Variants in TNR observed in about 807,000 individuals in gnomAD.
The protein encoded by TNR is tenascin R.
Under a neutral mutation model 150.4 loss-of-function variants are expected in TNR, and 45 were observed. The observed-to-expected ratio is 0.30, with a 90% confidence interval of 0.24 to 0.38. TNR has a LOEUF of 0.38. Ranked by LOEUF, TNR falls within the 10% of genes least tolerant of loss-of-function variation. The pLI, the probability that TNR is intolerant of heterozygous loss-of-function variation, is 1.00. For synonymous variants in TNR, 687 were observed against 678.4 expected (o/e 1.01, Z -0.20); for missense variants, 1,544 against 1,759.1 (o/e 0.88, Z 2.19).
At chr1:175,673,961 G>A (rs1308309229) in intron 1 of TNR, among the ~76,000 whole-genome samples, 2 of 152,256 alleles carry the variant, frequency 1.3e-5, no homozygotes, top group African/African-American at 2.4e-5. Flanking sequence ...TGGAGGCACT[G>A]ATGCCTAAAC....
chr1:175,681,555 C>A (rs1355306699), intron 1 of TNR, among the ~76,000 whole-genome samples: 2 of 152,320 alleles, frequency 1.3e-5, no homozygotes, highest in South Asian at 4.1e-4. Context: ...TAGATTAAAT[C>A]CGCCATCTCT....
At chr1:175,441,397 T>C (rs1425000534) in intron 2 of TNR, among the ~76,000 whole-genome samples, 1 of 152,214 alleles carries the variant, frequency 6.6e-6, no homozygotes, top group Non-Finnish European at 1.5e-5. Context: ...TCACAGTGTA[T>C]GCATATAGTG....
At chr1:175,499,118 C>T (rs1035019597) in intron 2 of TNR, among the ~76,000 whole-genome samples, 5 of 152,182 alleles carry the variant, frequency 3.3e-5, no homozygotes, top group African/African-American at 9.7e-5. Context: ...TCGCCAATCA[C>T]GAGTTTAGTT....
chr1:175,417,968 T>C (rs761298253), intron 2 of TNR, among the ~76,000 whole-genome samples: 8 of 152,222 alleles, frequency 5.3e-5, no homozygotes, highest in Non-Finnish European at 7.3e-5. Context: ...CTTCATTGTG[T>C]ACATTATGTC....
chr1:175,581,455 T>G (rs1662344566), intron 1 of TNR, among the ~76,000 whole-genome samples: 1 of 152,190 alleles, frequency 6.6e-6, no homozygotes, highest in African/African-American at 2.4e-5. Flanking sequence ...TGGAGTTTCT[T>G]GGGGTCGAGC....
intron 9 of TNR, among the ~76,000 whole-genome samples, chr1:175,372,717 G>A (rs1652163909): frequency 6.6e-6 from 1 of 152,210 alleles, no homozygotes; most frequent in Non-Finnish European, 1.5e-5. Flanking sequence ...TCTCTTGCTA[G>A]CAAAAACATG....
intron 2 of TNR, among the ~76,000 whole-genome samples, chr1:175,431,807 T>C (rs976109851): frequency 1.3e-5 from 2 of 151,940 alleles, no homozygotes; most frequent in African/African-American, 4.8e-5. Flanking sequence ...TGATTACTTC[T>C]AGGCAACCTA....
chr1:175,534,565 G>T (rs1398163769), intron 1 of TNR, among the ~76,000 whole-genome samples: 1 of 152,182 alleles, frequency 6.6e-6, no homozygotes. Flanking sequence ...GGTTCTAAGT[G>T]GTGTCAGTTG....
At chr1:175,538,722 T>C (rs139852569) in intron 1 of TNR, 1 of 152,346 alleles carries the variant, frequency 6.6e-6, no homozygotes, top group East Asian at 1.9e-4. Context: ...CTACCAACGA[T>C]ACCCCTCCAC....
chr1:175,703,006 A>G (rs568835996), intron 1 of TNR, among the ~76,000 whole-genome samples: 6 of 152,246 alleles, frequency 3.9e-5, no homozygotes, highest in East Asian at 1.9e-4. Context: ...ACAGAACACC[A>G]TATTTCGACA....
intron 21 of TNR, among the ~76,000 whole-genome samples, chr1:175,325,807 G>T (rs1649350198): frequency 6.8e-6 from 1 of 147,932 alleles, no homozygotes; most frequent in Admixed American, 6.7e-5. Flanking sequence ...TCATAGGTGG[G>T]AATTGAACAA....
At chr1:175,528,244 A>AT (rs1329856140) in intron 2 of TNR, 25 bp downstream of exon 2, 34 of 152,204 alleles carry the variant, frequency 2.2e-4, no homozygotes. Flanking sequence ...GGAATGATGA[A>AT]TGATCAAATG....
chr1:175,488,689 A>G (rs1658114852), intron 2 of TNR, among the ~76,000 whole-genome samples: 1 of 152,248 alleles, frequency 6.6e-6, no homozygotes, highest in African/African-American at 2.4e-5. Flanking sequence ...CCGAAGTTCT[A>G]CTATGGGCTA....
intron 1 of TNR, among the ~76,000 whole-genome samples, chr1:175,557,396 A>G (rs1661205653): frequency 6.6e-6 from 1 of 152,220 alleles, no homozygotes; most frequent in South Asian, 2.1e-4. Flanking sequence ...GCACTCAACA[A>G]TATGGCTATT....
intron 1 of TNR, among the ~76,000 whole-genome samples, chr1:175,569,145 G>A (rs951209811): frequency 2.6e-5 from 4 of 152,130 alleles, no homozygotes; most frequent in African/African-American, 9.7e-5. Context: ...TACCCAAAGG[G>A]CTAGGAAGAA....
At chr1:175,382,816 G>A (rs1433086563) in intron 8 of TNR, among the ~76,000 whole-genome samples, 4 of 151,696 alleles carry the variant, frequency 2.6e-5, no homozygotes, top group Non-Finnish European at 5.9e-5. Context: ...CAGGACAATC[G>A]CTTGAACCTG....
At chr1:175,374,668 C>T (rs1225904593) in intron 9 of TNR, among the ~76,000 whole-genome samples, 1 of 152,180 alleles carries the variant, frequency 6.6e-6, no homozygotes, top group East Asian at 1.9e-4. Flanking sequence ...TTCCTAGGCC[C>T]TGTTGGCAAT....
chr1:175,352,695 C>T (rs1215696737), intron 18 of TNR, among the ~76,000 whole-genome samples: 2 of 152,160 alleles, frequency 1.3e-5, no homozygotes, highest in Non-Finnish European at 2.9e-5. Context: ...TTTGTGTACC[C>T]AAGGTTTATT....
Position 175,376,452 on chromosome 1 carries a change from A to C in TNR, c.1963+3100T>G, listed in dbSNP as rs188808067. Among the ~76,000 whole-genome samples, 134 of 138,442 alleles carry C rather than the reference A, an allele frequency of 9.7e-4. 1 individual carries two copies. Among genetic ancestry groups the C allele is most frequent in the African/African-American group, 3.5e-3 (130 of 37,654 alleles). The allele number at this position is 138,442 out of a possible 152,430, so 90.8% of individuals were successfully genotyped here. ...TTCAATCAACTGTCCCAAATCACAC[A>C]GCAAGTGGCAAGCCTGGGTACAGAG... On this transcript the variant is annotated intron_variant, in intron 9 of 22. Coordinates refer to ENST00000367674, the MANE Select transcript of TNR (RefSeq NM_003285.3).
Sources: gnomAD v4.1 joint callset for allele counts (sites outside exome capture counted in the v4.1 genomes callset) on GRCh38, gnomAD v4.1.1 for gene constraint, MANE v1.5 for transcripts, NCBI Gene and HGNC (gene_info 2026-07-23, HGNC 2026-07-21) for gene names.